The following CDH24 variants were observed in gnomAD, a reference collection of about 807,000 sequenced individuals.
The protein encoded by CDH24 is cadherin 24.
Under a neutral mutation model 71.2 loss-of-function variants are expected in CDH24, and 61 were observed. The observed-to-expected ratio is 0.86, with a 90% CI of 0.70 to 1.06. The LOEUF is 1.06. CDH24 is among the 50% of genes least tolerant of loss of function. CDH24 has a pLI of 0.00. For synonymous variants in CDH24, 440 were observed against 470.2 expected (o/e 0.94, Z 0.83); for missense variants, 961 against 1,083.7 (o/e 0.89, Z 1.59).
chr14:23,048,154 C>A lies in CDH24; in HGVS notation c.2172G>T (p.Ser724=), dbSNP rs2047055935. The change falls in exon 12 of 13, where the codon TCG becomes TCT. Residue 724 remains serine, a synonymous_variant. Transcript: ENST00000487137. ...DEDPGVPPYD[S]VQVYGYEGRG... is the part of the protein sequence containing the mutation. ...GGCCCTCGTAGCCGTACACCTGCAC[C>A]GAGTCGTACGGGGGTACGCCGGGGT... The A allele has an allele frequency of 5.1e-6, 7 of 1,373,396 alleles. No homozygotes were observed. The East Asian group carries it at 1.6e-4, about 32-fold the overall frequency. The allele number at this position is 1,373,396 out of a possible 1,614,324, so 85.1% of individuals were successfully genotyped here.
chr14:23,048,320 T>G lies in CDH24; in HGVS notation c.2006A>C (p.Asp669Ala). 1 of 1,609,236 alleles carries G rather than the reference T, an allele frequency of 6.2e-7. No individual in the cohort carries two copies. The highest frequency in any genetic ancestry group is 8.5e-7 in the Non-Finnish European group (1 of 1,178,674). Residue 669 changes from aspartate (D) to alanine (A), a missense_variant, in exon 12 of 13, where the codon GAC (aspartate) becomes GCC (alanine). This residue lies in a region of CDH24 where 290 missense variants were observed against 272.8 expected (regional missense o/e 1.06). Transcript: ENST00000487137. ...GCCGGGCGCCGGGGGGGCCGCCCCGTCCGGGTTCTGCAAGGCCGTGATGTC... is the reference window on the plus strand; with the variant it reads ...GCCGGGCGCCGGGGGGGCCGCCCCGGCCGGGTTCTGCAAGGCCGTGATGTC... ...AFDITALQNP[D>A]GAAPPAPGPP...
chr14:23,049,181 C>T lies in CDH24; in HGVS notation c.1692G>A (p.Pro564=), dbSNP rs973842177. The T allele has an allele frequency of 1.7e-5, 27 of 1,577,190 alleles. No individual in the cohort carries two copies. Among genetic ancestry groups the T allele is most frequent in the African/African-American group, 1.3e-4 (10 of 74,128 alleles). Residue 564 remains proline, a synonymous_variant, in exon 11 of 13, where the codon CCG becomes CCA. Coordinates refer to ENST00000487137, the MANE Select transcript of CDH24 (RefSeq NM_144985.4). ...TCACTGTGGCAGTGCTGCTCAGCGC[C>T]GGCTGCCCCCAGTCCCACAGTTCTA... ...VPIELWDWGQ[P]ALSSTATVTV... is the part of the protein sequence containing the mutation.
Position 23,051,853 on chromosome 14 carries a change from G to C in CDH24, c.1363+620C>G. On this transcript the variant is annotated intron_variant, in intron 8 of 12. Coordinates refer to ENST00000487137, the MANE Select transcript of CDH24 (RefSeq NM_144985.4). This position sits in a 1 kb window ranked among gnomAD's most constrained non-coding sequence, Gnocchi z 4.4. ...AGAAGATCGGGAGGGAGGTCTCCCT[G>C]TCTGTATGGGCTAGGGCTGCCCAGA... 1 of 584,348 alleles carries C rather than the reference G, an allele frequency of 1.7e-6. No individual in the cohort carries two copies. The highest frequency in any genetic ancestry group is 3.0e-6 in the Non-Finnish European group (1 of 333,330). 36.2% of individuals were successfully genotyped at this position (584,348 alleles called of 1,614,324 possible). A position where few individuals can be genotyped will look rare whatever the true frequency, so the allele number is the denominator to read the frequency against.
intron 10 of CDH24, 64 bp downstream of exon 10, chr14:23,049,562 AG>A (rs1462094698): frequency 1.2e-5 from 12 of 983,954 alleles, no homozygotes; most frequent in Non-Finnish European, 1.9e-5. Context: ...AGGCTGGGCT[AG>A]GGGTGGAGGA....
In CDH24 at chr14:23,047,989, C is replaced by A. The variant is rs1318569399; in HGVS notation, c.2337G>T (p.Pro779=). 2 of 1,363,534 alleles carry A rather than the reference C, an allele frequency of 1.5e-6. No homozygotes were observed. The highest frequency in any genetic ancestry group is 9.4e-7 in the Non-Finnish European group (1 of 1,062,734). The allele number at this position is 1,363,534 out of a possible 1,614,324, so 84.5% of individuals were successfully genotyped here. Residue 779 remains proline (P), a synonymous_variant, in exon 12 of 13, where the codon CCG becomes CCT. Transcript: ENST00000487137. The part of the protein sequence containing the change: ...LAELYGAKEP[P]AP ...GGGCCAGCCCGGGCGCTCAGGGGGC[C>A]GGGGGCTCCTTGGCCCCATACAGCT...
At chr14:23,053,814 G>C in intron 6 of CDH24, 65 bp from the exon 7 acceptor site, 1 of 1,490,536 alleles carries the variant, frequency 6.7e-7, no homozygotes, top group Non-Finnish European at 9.0e-7. Context: ...CCAGGCTCTT[G>C]GAAGGTGACA....
At position 23,054,059 on chromosome 14, in the gene CDH24, T is replaced by A; in HGVS notation, c.972+82A>T. On this transcript the variant is annotated intron_variant, in intron 6 of 12. Coordinates refer to ENST00000487137, the MANE Select transcript of CDH24 (RefSeq NM_144985.4). This position sits in a 1 kb window ranked among gnomAD's most constrained non-coding sequence, Gnocchi z 5.2. ...TCCAACAGAGAGATCCTGAGTCTGT[T>A]CTAGAAGAACAGTTAAATATGTGCC... The A allele has an allele frequency of 1.4e-6, 2 of 1,411,940 alleles. No individual in the cohort carries two copies. Among genetic ancestry groups the A allele is most frequent in the Non-Finnish European group, 1.9e-6 (2 of 1,047,024 alleles). The allele number at this position is 1,411,940 out of a possible 1,614,324, so 87.5% of individuals were successfully genotyped here. A position where few individuals can be genotyped will look rare whatever the true frequency, so the allele number is the denominator to read the frequency against.
Position 23,054,989 on chromosome 14 carries a change from C to A in CDH24, c.496+70G>T, listed in dbSNP as rs1349293537. On this transcript the variant is annotated intron_variant, in intron 3 of 12. Coordinates refer to ENST00000487137, the MANE Select transcript of CDH24 (RefSeq NM_144985.4). The surrounding 1 kb of genome is among the most constrained non-coding windows in gnomAD (Gnocchi z 5.2). Reference sequence around the variant, plus strand: ...AGGGGGCAGGTTCTGGGGCAGACAACAAGAAGGGAAGGAGAGGTGAGAGAG... The same window carrying A: ...AGGGGGCAGGTTCTGGGGCAGACAAAAAGAAGGGAAGGAGAGGTGAGAGAG... 35 of 1,589,582 alleles carry A rather than the reference C, an allele frequency of 2.2e-5. No individual in the cohort carries two copies. The highest frequency in any genetic ancestry group is 2.7e-5 in the Non-Finnish European group (31 of 1,165,020).
chr14:23,055,721 C>G lies in CDH24; in HGVS notation c.13G>C (p.Val5Leu). 1 of 1,587,718 alleles carries G rather than the reference C, an allele frequency of 6.3e-7. No homozygotes were observed. Among genetic ancestry groups the G allele is most frequent in the Non-Finnish European group, 8.5e-7 (1 of 1,171,848 alleles). ...CCCAGCCAGGCCAGCAGGAGCCTCACCAGGCCCCACATGTTTGGACTCCAG... is the reference window on the plus strand; with the variant it reads ...CCCAGCCAGGCCAGCAGGAGCCTCAGCAGGCCCCACATGTTTGGACTCCAG... MWGL[V>L]RLLLAWLGGW... is the part of the protein sequence containing the mutation. Residue 5 changes from valine (V) to leucine (L), a missense_variant, in exon 2 of 13, where the codon GTG (valine) becomes CTG (leucine). Transcript: ENST00000487137. The surrounding 1 kb of genome is among the most constrained non-coding windows in gnomAD (Gnocchi z 4.1).
chr14:23,052,133 GC>G (rs747300598), intron 8 of CDH24: 2 of 1,015,482 alleles, frequency 2.0e-6, no homozygotes, highest in Non-Finnish European at 3.0e-6. Flanking sequence ...CAGGTTGGGG[GC>G]TATGTAAGGT....
At position 23,055,676 on chromosome 14, in the gene CDH24, G is replaced by T; in HGVS notation, c.58C>A (p.Arg20Ser). The T allele has an allele frequency of 6.3e-7, 1 of 1,599,818 alleles. No homozygotes were observed. Among genetic ancestry groups the T allele is most frequent in the Non-Finnish European group, 8.5e-7 (1 of 1,175,716 alleles). Residue 20 changes from arginine (R) to serine (S), a missense_variant, in exon 2 of 13, where the codon CGT becomes AGT. Physicochemically the swap from Arg to Ser is moderately radical, Grantham distance 110. Transcript: ENST00000487137. This position sits in a 1 kb window ranked among gnomAD's most constrained non-coding sequence, Gnocchi z 4.1. ...CAGGCCCGGGCTGGGGCTGCCAGACGCCCCATGCAGCCCCAGCCACCCAGC... is the reference window on the plus strand; with the variant it reads ...CAGGCCCGGGCTGGGGCTGCCAGACTCCCCATGCAGCCCCAGCCACCCAGC... ...AWLGGWGCMG[R>S]LAAPARAWAG...
Position 23,052,545 on chromosome 14 carries a change from TG to T in CDH24, c.1290del (p.Ile431SerfsTer66). On this transcript the variant is annotated frameshift_variant, in exon 8 of 13. Coordinates refer to ENST00000487137, the MANE Select transcript of CDH24 (RefSeq NM_144985.4). LOFTEE classifies it high-confidence loss of function. ...RCFSIQPEEG[T>X]IHTAAPLDRE... The stretch of plus-strand genomic sequence containing the variant: ...CGATCCAGGGGTGCTGCTGTATGGA[TG>T]GTGCCTTCCTCGGGCTGGATAGAGA... 1 of 1,614,074 alleles carries T rather than the reference TG, an allele frequency of 6.2e-7. No homozygotes were observed.
Position 23,054,891 on chromosome 14 carries a change from TCAG to T in CDH24, c.497-28_497-26del, listed in dbSNP as rs1223995338. Reference sequence around the variant, plus strand: ...CCTGTGGGGGATGCCAGCACGCCATTCAGCAGCAGCAGGGAAGGATGGGGAAGA... The same window carrying T: ...CCTGTGGGGGATGCCAGCACGCCATTCAGCAGCAGGGAAGGATGGGGAAGA... On this transcript the variant is annotated intron_variant, in intron 3 of 12. Coordinates refer to ENST00000487137, the MANE Select transcript of CDH24 (RefSeq NM_144985.4). The surrounding 1 kb of genome is among the most constrained non-coding windows in gnomAD (Gnocchi z 5.2). The T allele has an allele frequency of 6.2e-7, 1 of 1,610,072 alleles. No homozygotes were observed.
chr14:23,056,247 G>A (rs755639966), intron 1 of CDH24, among the ~76,000 whole-genome samples: 2 of 152,232 alleles, frequency 1.3e-5, no homozygotes, highest in African/African-American at 2.4e-5. Flanking sequence ...GTGGCCTTAA[G>A]GTGTCTAGGG....
In CDH24 at chr14:23,052,558, G is replaced by A. The variant is rs548615172; in HGVS notation, c.1278C>T (p.Pro426=). 2.8e-5 allele frequency: 45 copies of A among 1,614,068 alleles called. No individual in the cohort carries two copies. The African/African-American group carries it at 3.7e-4, about 13-fold the overall frequency. The change falls in exon 8 of 13, where the codon CCC becomes CCT. Residue 426 remains proline (P), a synonymous_variant. Coordinates refer to ENST00000487137, the MANE Select transcript of CDH24 (RefSeq NM_144985.4). ...CTGCTGTATGGATGGTGCCTTCCTC[G>A]GGCTGGATAGAGAAGCAACGCTCCG... ...SDPERCFSIQ[P]EEGTIHTAAP... is the part of the protein sequence containing the mutation.
In CDH24 at chr14:23,055,059, C is replaced by T. The variant is rs1489493621; in HGVS notation, c.496G>A (p.Gly166Arg). ...GGGCATTCAGAGCTGGGGTGCTCAC[C>T]GACATTGGACATCTCGGGCACGGTG... ...HATVPEMSNV[G>R]TSVIQVTAHD... The change falls in exon 3 of 13, where the codon GGG becomes AGG. Residue 166 changes from glycine to arginine, a missense_variant and splice_region_variant. Coordinates refer to ENST00000487137, the MANE Select transcript of CDH24 (RefSeq NM_144985.4). The surrounding 1 kb of genome is among the most constrained non-coding windows in gnomAD (Gnocchi z 4.1). 5.0e-6 allele frequency: 8 copies of T among 1,607,194 alleles called. No homozygotes were observed. In the East Asian group the frequency reaches 6.7e-5, roughly 13 times the overall value.
Position 23,048,370 on chromosome 14 carries a change from G to A in CDH24, c.1956C>T (p.Gly652=), listed in dbSNP as rs1246503121. The A allele has an allele frequency of 8.7e-6, 14 of 1,612,262 alleles. No individual in the cohort carries two copies. The highest frequency in any genetic ancestry group is 1.3e-5 in the African/African-American group (1 of 74,992). ...CGAAGGCCTCGGTGTCCTCCTCGCC[G>A]CCGCCCTCGTCGTCGTAGGTGATGA... is the stretch of plus-strand genomic sequence containing the variant. The part of the protein sequence containing the change: ...ENIITYDDEG[G]GEEDTEAFDI... The change falls in exon 12 of 13, where the codon GGC becomes GGT. Residue 652 remains glycine, a synonymous_variant. Transcript: ENST00000487137.
In CDH24 at chr14:23,054,065, A is replaced by G. The variant is rs2047105276; in HGVS notation, c.972+76T>C. ...AGAGAGATCCTGAGTCTGTTCTAGAAGAACAGTTAAATATGTGCCCTGTGG... is the reference window on the plus strand; with the variant it reads ...AGAGAGATCCTGAGTCTGTTCTAGAGGAACAGTTAAATATGTGCCCTGTGG... On this transcript the variant is annotated intron_variant, in intron 6 of 12. Coordinates refer to ENST00000487137, the MANE Select transcript of CDH24 (RefSeq NM_144985.4). This position sits in a 1 kb window ranked among gnomAD's most constrained non-coding sequence, Gnocchi z 5.2. 5 of 1,435,096 alleles carry G rather than the reference A, an allele frequency of 3.5e-6. No homozygotes were observed. The African/African-American group carries it at 7.1e-5, about 20-fold the overall frequency. The allele number at this position is 1,435,096 out of a possible 1,614,324, so 88.9% of individuals were successfully genotyped here.
chr14:23,049,990 G>C, intron 8 of CDH24, 47 bp from the exon 9 acceptor site: 2 of 1,592,252 alleles, frequency 1.3e-6, no homozygotes, highest in Non-Finnish European at 8.6e-7. Context: ...ACACCACACA[G>C]TTTACACGTA....
Sources: allele counts gnomAD v4.1 joint callset (sites outside exome capture counted in the v4.1 genomes callset), GRCh38; gene constraint gnomAD v4.1.1; regional missense constraint gnomAD v4.1.1; non-coding constraint Gnocchi (gnomAD v3.1); transcripts MANE v1.5; gene names NCBI Gene and HGNC (gene_info 2026-07-23, HGNC 2026-07-21).